The following TRIM26 variants were observed in gnomAD, a reference collection of about 807,000 sequenced individuals.
The protein encoded by TRIM26 is tripartite motif-containing protein 26.
A neutral mutation model predicts 45.5 loss-of-function variants in TRIM26; 16 were observed. That is an observed-to-expected ratio of 0.35 (90% confidence interval 0.24 to 0.53). The LOEUF is 0.53. TRIM26 is among the 20% of genes least tolerant of loss of function. The probability of loss-of-function intolerance (pLI) is 0.92; values close to 1 mark genes in which losing one functional copy is unlikely to be tolerated. For missense variants in TRIM26, 442 were observed against 691.1 expected (o/e 0.64, Z 4.04); for synonymous variants, 273 against 290.4 (o/e 0.94, Z 0.61).
intron 1 of TRIM26, among the ~76,000 whole-genome samples, chr6:30,208,904 A>ATGTGTGTGTGTGTGTGTG (rs9278612): frequency 7.1e-6 from 1 of 140,730 alleles, no homozygotes; most frequent in Non-Finnish European, 1.5e-5. Flanking sequence ...GATATAGAAT[A>ATGTGTGTGTGTGTGTGTG]TGTGTGTGTG....
At chr6:30,192,453 G>C (rs1181706940) in intron 6 of TRIM26, among the ~76,000 whole-genome samples, 2 of 152,086 alleles carry the variant, frequency 1.3e-5, no homozygotes, top group Non-Finnish European at 2.9e-5. Flanking sequence ...CAGCCCATAG[G>C]TTTGTCTTTC....
Position 30,189,713 on chromosome 6 carries a change from A to G in TRIM26, c.789-180T>C, listed in dbSNP as rs1434886219. On this transcript the variant is annotated intron_variant, in intron 7 of 9. Coordinates refer to ENST00000454678, the MANE Select transcript of TRIM26 (RefSeq NM_003449.5). The surrounding 1 kb of genome is among the most constrained non-coding windows in gnomAD (Gnocchi z 5.0). ...TGAACCAGGGCTTCAGAACATCAGT[A>G]GACTCCACATCCAGGGCGCTCTGTC... 7 of 644,492 alleles carry G rather than the reference A, an allele frequency of 1.1e-5. No individual in the cohort carries two copies. The highest frequency in any genetic ancestry group is 1.9e-5 in the Non-Finnish European group (7 of 371,650). The allele number at this position is 644,492 out of a possible 1,614,324, so 39.9% of individuals were successfully genotyped here. A position where few individuals can be genotyped will look rare whatever the true frequency, so the allele number is the denominator to read the frequency against.
At position 30,190,296 on chromosome 6, in the gene TRIM26, G is replaced by A. The variant is rs976800378; in HGVS notation, c.766-261C>T. On this transcript the variant is annotated intron_variant, in intron 6 of 9. Transcript: ENST00000454678. The surrounding 1 kb of genome is among the most constrained non-coding windows in gnomAD (Gnocchi z 4.3). Reference sequence around the variant, plus strand: ...GGAGATACCTGCGCAGAGAATTGACGGATAAGAAGTACTGGCCGGATGAAG... The same window carrying A: ...GGAGATACCTGCGCAGAGAATTGACAGATAAGAAGTACTGGCCGGATGAAG... The A allele has an allele frequency of 1.4e-5, 8 of 575,424 alleles. No homozygotes were observed. The highest frequency in any genetic ancestry group is 6.4e-5 in the South Asian group (3 of 47,208). 35.6% of individuals were successfully genotyped at this position (575,424 alleles called of 1,614,324 possible).
Position 30,196,757 on chromosome 6 carries a change from C to T in TRIM26, c.535-11G>A, listed in dbSNP as rs927064289. The stretch of plus-strand genomic sequence containing the variant: ...GTCCTGGAGCTTCTTCTGCAGGGGG[C>T]AGGAAGGGGAGAAGGGCTGACACCT... On this transcript the variant is annotated splice_polypyrimidine_tract_variant and intron_variant, in intron 5 of 9. Coordinates refer to ENST00000454678, the MANE Select transcript of TRIM26 (RefSeq NM_003449.5). This position sits in a 1 kb window ranked among gnomAD's most constrained non-coding sequence, Gnocchi z 4.9. 1 of 1,613,762 alleles carries T rather than the reference C, an allele frequency of 6.2e-7. No individual in the cohort carries two copies. Among genetic ancestry groups the T allele is most frequent in the South Asian group, 1.1e-5 (1 of 91,080 alleles).
intron 9 of TRIM26, among the ~76,000 whole-genome samples, chr6:30,187,916 T>A (rs1581649400): frequency 9.3e-5 from 5 of 53,682 alleles, no homozygotes; most frequent in Non-Finnish European, 1.3e-4. Context: ...AGACTCCATC[T>A]CAAAAAAAAA....
chr6:30,211,616 G>C (rs1778296132), intron 1 of TRIM26, among the ~76,000 whole-genome samples: 1 of 152,140 alleles, frequency 6.6e-6, no homozygotes, highest in African/African-American at 2.4e-5. Flanking sequence ...ATTTTGCCAA[G>C]TTTACCAGGC....
chr6:30,190,305 G>C lies in TRIM26; in HGVS notation c.766-270C>G, dbSNP rs2127488684. The C allele has an allele frequency of 1.8e-6, 1 of 563,832 alleles. No individual in the cohort carries two copies. The highest frequency in any genetic ancestry group is 2.9e-5 in the East Asian group (1 of 33,900). 34.9% of individuals were successfully genotyped at this position (563,832 alleles called of 1,614,324 possible). ...TGCGCAGAGAATTGACGGATAAGAAGTACTGGCCGGATGAAGAGAGGTAAG... is the reference window on the plus strand; with the variant it reads ...TGCGCAGAGAATTGACGGATAAGAACTACTGGCCGGATGAAGAGAGGTAAG... On this transcript the variant is annotated intron_variant, in intron 6 of 9. Transcript: ENST00000454678. This position sits in a 1 kb window ranked among gnomAD's most constrained non-coding sequence, Gnocchi z 4.3.
Position 30,185,547 on chromosome 6 carries a change from A to C in TRIM26, c.*329T>G. 1 of 366,028 alleles carries C rather than the reference A, an allele frequency of 2.7e-6. No homozygotes were observed. Among genetic ancestry groups the C allele is most frequent in the Non-Finnish European group, 4.9e-6 (1 of 204,688 alleles). The allele number at this position is 366,028 out of a possible 1,614,324, so 22.7% of individuals were successfully genotyped here. On this transcript the variant is annotated 3_prime_UTR_variant, in exon 10 of 10. Transcript: ENST00000454678. This position sits in a 1 kb window ranked among gnomAD's most constrained non-coding sequence, Gnocchi z 5.7. ...GAGGTCTTGCCACACTGGGCAAGAA[A>C]ATGCTGCATCGGGCCCTTATTCCAG...
At chr6:30,210,756 A>C (rs752166636) in intron 1 of TRIM26, among the ~76,000 whole-genome samples, 1 of 152,224 alleles carries the variant, frequency 6.6e-6, no homozygotes, top group Non-Finnish European at 1.5e-5. Flanking sequence ...AGTTATATGC[A>C]TGTGGTCTCT....
At chr6:30,206,576 G>C (rs1218780044) in intron 1 of TRIM26, among the ~76,000 whole-genome samples, 1 of 152,256 alleles carries the variant, frequency 6.6e-6, no homozygotes, top group Non-Finnish European at 1.5e-5. Context: ...GTTGAATCAT[G>C]AACCAAGCTC....
Position 30,189,153 on chromosome 6 carries a change from C to T in TRIM26, c.937+14G>A, listed in dbSNP as rs769995895. On this transcript the variant is annotated intron_variant, in intron 9 of 9. Coordinates refer to ENST00000454678, the MANE Select transcript of TRIM26 (RefSeq NM_003449.5). The surrounding 1 kb of genome is among the most constrained non-coding windows in gnomAD (Gnocchi z 5.0). ...ATTTGATGTACATCTGGGAAACACCCTCTAGACACTCACCTGTCTTATATT... is the reference window on the plus strand; with the variant it reads ...ATTTGATGTACATCTGGGAAACACCTTCTAGACACTCACCTGTCTTATATT... 2 of 1,612,074 alleles carry T rather than the reference C, an allele frequency of 1.2e-6. No individual in the cohort carries two copies. The highest frequency in any genetic ancestry group is 1.7e-6 in the Non-Finnish European group (2 of 1,179,790).
Position 30,189,081 on chromosome 6 carries a change from T to TG in TRIM26, c.937+85dup, listed in dbSNP as rs1283305791. The TG allele has an allele frequency of 1.0e-5, 15 of 1,473,344 alleles. No individual in the cohort carries two copies. Among genetic ancestry groups the TG allele is most frequent in the African/African-American group, 1.4e-5 (1 of 70,742 alleles). The allele number at this position is 1,473,344 out of a possible 1,614,324, so 91.3% of individuals were successfully genotyped here. ...TCTTCCTGTTGCAAAAGGGGCTACC[T>TG]GGGGGAAAAGTGAGCAGTCAGAATC... On this transcript the variant is annotated intron_variant, in intron 9 of 9. Coordinates refer to ENST00000454678, the MANE Select transcript of TRIM26 (RefSeq NM_003449.5). This position sits in a 1 kb window ranked among gnomAD's most constrained non-coding sequence, Gnocchi z 5.0.
Position 30,213,301 on chromosome 6 carries a change from T to C in TRIM26, c.-376+4A>G, listed in dbSNP as rs1215796004. 1.3e-5 allele frequency: 2 copies of C among 152,290 alleles called. No homozygotes were observed. The highest frequency in any genetic ancestry group is 4.8e-5 in the African/African-American group (2 of 41,446). 9.4% of individuals were successfully genotyped at this position (152,290 alleles called of 1,614,324 possible). ...TGTATGTCTCATGTGCACCCCCTAC[T>C]CACCGGTCCCGAGCTCCGGGCCGCG... On this transcript the variant is annotated splice_donor_region_variant and intron_variant, in intron 1 of 9. Transcript: ENST00000454678.
intron 9 of TRIM26, among the ~76,000 whole-genome samples, chr6:30,188,891 AG>A (rs954717862): frequency 6.6e-6 from 1 of 152,164 alleles, no homozygotes; most frequent in African/African-American, 2.4e-5. Flanking sequence ...GCTCGGCCAC[AG>A]GAAAAGGACT....
In TRIM26 at chr6:30,185,910, T is replaced by C; in HGVS notation, c.1586A>G (p.Lys529Arg). Reference sequence around the variant, plus strand: ...TAGCAGGAGGCGTGTTCCTGGCCACTTGAGCCACAGGAAGGGGACCAGGCG... The same window carrying C: ...TAGCAGGAGGCGTGTTCCTGGCCACCTGAGCCACAGGAAGGGGACCAGGCG... ...TRRLVPFLWL[K>R]WPGTRLLLRP The change falls in exon 10 of 10, where the codon AAG (lysine) becomes AGG (arginine). Residue 529 changes from lysine to arginine, a missense_variant. Physicochemically the swap from Lys to Arg is conservative, Grantham distance 26 (BLOSUM62 2). Coordinates refer to ENST00000454678, the MANE Select transcript of TRIM26 (RefSeq NM_003449.5). This position sits in a 1 kb window ranked among gnomAD's most constrained non-coding sequence, Gnocchi z 5.7. 1 of 1,612,968 alleles carries C rather than the reference T, an allele frequency of 6.2e-7. No homozygotes were observed. The highest frequency in any genetic ancestry group is 8.5e-7 in the Non-Finnish European group (1 of 1,179,952).
At position 30,185,488 on chromosome 6, in the gene TRIM26, A is replaced by C. The variant is rs1775060554; in HGVS notation, c.*388T>G. On this transcript the variant is annotated 3_prime_UTR_variant, in exon 10 of 10. Transcript: ENST00000454678. The surrounding 1 kb of genome is among the most constrained non-coding windows in gnomAD (Gnocchi z 5.7). ...GGAACCTGGGGGGTTTAAGGACAGC[A>C]AAATGATCTTAGGCGTAATTGACTG... is the stretch of plus-strand genomic sequence containing the variant. The C allele has an allele frequency of 1.6e-5, 4 of 243,484 alleles. No individual in the cohort carries two copies. The highest frequency in any genetic ancestry group is 1.6e-4 in the East Asian group (2 of 12,580). The allele number at this position is 243,484 out of a possible 1,614,324, so 15.1% of individuals were successfully genotyped here. A position where few individuals can be genotyped will look rare whatever the true frequency, so the allele number is the denominator to read the frequency against.
At position 30,199,105 on chromosome 6, in the gene TRIM26, G is replaced by A. The variant is rs1194362565; in HGVS notation, c.-2C>T. 1 of 1,552,898 alleles carries A rather than the reference G, an allele frequency of 6.4e-7. No homozygotes were observed. The highest frequency in any genetic ancestry group is 8.7e-7 in the Non-Finnish European group (1 of 1,146,358). On this transcript the variant is annotated 5_prime_UTR_variant, in exon 4 of 10. Coordinates refer to ENST00000454678, the MANE Select transcript of TRIM26 (RefSeq NM_003449.5). ...CCGTAGTGGGGCTGACGTGGCCATG[G>A]TATCCTTAGTTCAGAGAGGTCTCCG...
intron 2 of TRIM26, among the ~76,000 whole-genome samples, chr6:30,201,847 C>CAA (rs575811302): frequency 3.1e-5 from 4 of 129,552 alleles, no homozygotes; most frequent in South Asian, 2.4e-4. Flanking sequence ...GACTCCATCT[C>CAA]AAAAAAAAAA....
chr6:30,210,560 C>G (rs1156340994), intron 1 of TRIM26, among the ~76,000 whole-genome samples: 3 of 152,166 alleles, frequency 2.0e-5, no homozygotes, highest in African/African-American at 7.2e-5. Flanking sequence ...AGTAGCACCC[C>G]CCATCCGCTA....
Sources: gnomAD v4.1 joint callset for allele counts (sites outside exome capture counted in the v4.1 genomes callset) on GRCh38, gnomAD v4.1.1 for gene constraint, Gnocchi (gnomAD v3.1) non-coding constraint, MANE v1.5 for transcripts, NCBI Gene and HGNC (gene_info 2026-07-23, HGNC 2026-07-21) for gene names.